Variants in LALBA observed in about 807,000 individuals in gnomAD.
LALBA encodes alpha-lactalbumin.
A neutral mutation model predicts 13.4 loss-of-function variants in LALBA; 12 were observed. The ratio of observed to expected loss-of-function variants is 0.89; its 90% CI spans 0.57 to 1.45. LALBA has a LOEUF of 1.45. Ranked by LOEUF, LALBA falls within the 40% of genes most tolerant of loss-of-function variation. The pLI is 0.00. For missense variants in LALBA, 145 were observed against 165.9 expected (o/e 0.87, Z 0.69); for synonymous variants, 64 against 61.0 (o/e 1.05, Z -0.23).
At chr12:48,571,540 A>G (rs866004417), upstream of LALBA, among the ~76,000 whole-genome samples, 1 of 151,564 alleles carries the variant, frequency 6.6e-6, no homozygotes, top group Non-Finnish European at 1.5e-5. Flanking sequence ...ACGTGTTACC[A>G]TGCCCGGTTA....
In LALBA at chr12:48,569,879, G is replaced by A. The variant is rs931329542; in HGVS notation, c.133+9C>T. The A allele has an allele frequency of 4.3e-6, 7 of 1,613,578 alleles. No homozygotes were observed. The highest frequency in any genetic ancestry group is 5.9e-6 in the Non-Finnish European group (7 of 1,179,646). On this transcript the variant is annotated intron_variant, in intron 1 of 3. Coordinates refer to ENST00000301046, the MANE Select transcript of LALBA (RefSeq NM_002289.3). ...AGGAATGGATGAAACACAGAGGCAGGGAACTCACATTCAGGCAAAGCGATG... is the reference window on the plus strand; with the variant it reads ...AGGAATGGATGAAACACAGAGGCAGAGAACTCACATTCAGGCAAAGCGATG...
At chr12:48,570,538 C>CA (rs201484240), upstream of LALBA, among the ~76,000 whole-genome samples, 1,075 of 152,228 alleles carry the variant, frequency 7.1e-3, 4 homozygotes, top group African/African-American at 0.023. Context: ...AGCCATGTAA[C>CA]AAGGCCCAGA....
At chr12:48,571,386 C>T (rs369020198), upstream of LALBA, among the ~76,000 whole-genome samples, 5 of 98,032 alleles carry the variant, frequency 5.1e-5, no homozygotes, top group Admixed American at 4.3e-4. Context: ...CTTCTTCTTC[C>T]TTTTTTTTTT....
At chr12:48,570,981 TAAAA>T (rs35399476), upstream of LALBA, among the ~76,000 whole-genome samples, 1 of 116,268 alleles carries the variant, frequency 8.6e-6, no homozygotes, top group African/African-American at 3.3e-5. Context: ...ACCCTATCTT[TAAAA>T]AAAAAAAAAA....
intron 3 of LALBA, 96 bp from the exon 4 acceptor site, chr12:48,568,113 CAGAA>C: frequency 1.1e-6 from 1 of 937,994 alleles, no homozygotes; most frequent in East Asian, 2.6e-5. Context: ...ACGAGAATTA[CAGAA>C]AGACATTCCT....
chr12:48,568,064 T>A (rs1217206234), intron 3 of LALBA, 47 bp from the exon 4 acceptor site: 5 of 1,415,630 alleles, frequency 3.5e-6, no homozygotes, highest in African/African-American at 1.4e-5. Context: ...ACTGAATCTT[T>A]ACATTCATTC....
intron 3 of LALBA, 49 bp from the exon 4 acceptor site, chr12:48,568,066 C>G: frequency 1.4e-6 from 2 of 1,398,394 alleles, no homozygotes; most frequent in Non-Finnish European, 2.0e-6. Context: ...TGAATCTTTA[C>G]ATTCATTCCC....
intron 1 of LALBA, among the ~76,000 whole-genome samples, 170 bp from the exon 2 acceptor site, chr12:48,569,410 G>T (rs1938605241): frequency 6.6e-6 from 1 of 152,122 alleles, no homozygotes; most frequent in Admixed American, 6.6e-5. Flanking sequence ...ATAAGAGAAA[G>T]AAAGGATAGG....
At chr12:48,568,202 A>C (rs1326629945) in intron 3 of LALBA, 185 bp from the exon 4 acceptor site, 1 of 629,876 alleles carries the variant, frequency 1.6e-6, no homozygotes, top group Non-Finnish European at 2.9e-6. Context: ...TTGTAGGGTT[A>C]AAAAAGAGAT....
chr12:48,568,282 G>A, intron 3 of LALBA: 2 of 604,050 alleles, frequency 3.3e-6, no homozygotes, highest in Non-Finnish European at 5.9e-6. Flanking sequence ...AAGTCTAAGT[G>A]AAAGGAGGCC....
In LALBA at chr12:48,567,820, C is replaced by T. The variant is rs896469089; in HGVS notation, c.*137G>A. 11 of 725,302 alleles carry T rather than the reference C, an allele frequency of 1.5e-5. No homozygotes were observed. The highest frequency in any genetic ancestry group is 3.5e-5 in the African/African-American group (2 of 56,654). The allele number at this position is 725,302 out of a possible 1,614,324, so 44.9% of individuals were successfully genotyped here. On this transcript the variant is annotated 3_prime_UTR_variant, in exon 4 of 4. Transcript: ENST00000301046. ...CCCTGGAAAATAGTCTTCAAGAATT[C>T]GGTGATGTCACTACAGGGCCCAAGG...
Position 48,568,582 on chromosome 12 carries a change from A to G in LALBA, c.303T>C (p.Asp101=). The G allele has an allele frequency of 6.3e-7, 1 of 1,594,918 alleles. No homozygotes were observed. The highest frequency in any genetic ancestry group is 2.2e-5 in the East Asian group (1 of 44,710). The stretch of plus-strand genomic sequence containing the variant: ...ACATTATGTCATCAGTAATGTCATC[A>G]TCCAGGAACTCTGGCAGGAGTTACA... ...ICDISCDKFL[D]DDITDDIMCA... is the part of the protein sequence containing the mutation. Residue 101 remains aspartate, a synonymous_variant, in exon 3 of 4, where the codon GAT becomes GAC. Coordinates refer to ENST00000301046, the MANE Select transcript of LALBA (RefSeq NM_002289.3).
chr12:48,568,060 T>G, intron 3 of LALBA, 43 bp from the exon 4 acceptor site: 1 of 1,451,794 alleles, frequency 6.9e-7, no homozygotes, highest in Non-Finnish European at 9.5e-7. Flanking sequence ...GCTGACTGAA[T>G]CTTTACATTC....
chr12:48,570,352 G>T (rs1466621144), upstream of LALBA, among the ~76,000 whole-genome samples: 1 of 152,136 alleles, frequency 6.6e-6, no homozygotes, highest in Non-Finnish European at 1.5e-5. Flanking sequence ...CTGGTTACTT[G>T]AGGAACAAAG....
upstream of LALBA, among the ~76,000 whole-genome samples, chr12:48,571,574 G>A (rs138887588): frequency 6.3e-4 from 96 of 151,826 alleles, no homozygotes; most frequent in African/African-American, 2.2e-3. Context: ...TAGTAGAGAC[G>A]GAGTTTCTGC....
At chr12:48,568,477 G>T (rs1938593573) in intron 3 of LALBA, 40 bp downstream of exon 3, 4 of 1,158,314 alleles carry the variant, frequency 3.5e-6, no homozygotes, top group African/African-American at 1.5e-5. Context: ...GGGGTAAGGA[G>T]AAGGAGGATG....
intron 3 of LALBA, 75 bp from the exon 4 acceptor site, chr12:48,568,092 G>A: frequency 8.8e-7 from 1 of 1,141,736 alleles, no homozygotes; most frequent in South Asian, 1.3e-5. Flanking sequence ...GGCTGAAGTG[G>A]AAGAGCGTGG....
chr12:48,568,640 C>G (rs368803719), intron 2 of LALBA, 48 bp from the exon 3 acceptor site: 22 of 1,163,218 alleles, frequency 1.9e-5, no homozygotes, highest in East Asian at 1.4e-4. Context: ...CAAGTATTAC[C>G]CAGAAAGGCA....
chr12:48,570,199 AC>A, upstream of LALBA: 1 of 637,780 alleles, frequency 1.6e-6, no homozygotes, highest in South Asian at 2.0e-5. Context: ...AATTCACCCT[AC>A]TTTTCCTTTC....
Sources: allele counts gnomAD v4.1 joint callset (sites outside exome capture counted in the v4.1 genomes callset), GRCh38; gene constraint gnomAD v4.1.1; transcripts MANE v1.5; gene names NCBI Gene and HGNC (gene_info 2026-07-23, HGNC 2026-07-21).